Variants in PHEX observed in about 807,000 individuals in gnomAD.
The protein encoded by PHEX is phosphate regulating endopeptidase X-linked, also known as phosphate-regulating neutral endopeptidase PHEX.
PHEX carries 16 observed loss-of-function variants against 68.0 expected under a neutral mutation model. That is an observed-to-expected ratio of 0.24 (90% CI 0.16 to 0.36). The LOEUF (loss-of-function observed/expected upper bound fraction) is 0.36. Ranked by LOEUF, PHEX falls within the 10% of genes least tolerant of loss-of-function variation. The pLI is 1.00. For synonymous variants in PHEX, 208 were observed against 205.1 expected, an observed-to-expected ratio of 1.01 and a Z score of -0.12; for missense variants, 480 against 575.5, an observed-to-expected ratio of 0.83 and a Z score of 1.70.
Position 22,032,939 on chromosome X carries a change from C to A in PHEX, c.-67C>A. Reference sequence around the variant, plus strand: ...GAAAGCCTTGGATGTCAACGCCTCGCTCTTGAGACCAGCCACCAAACCACG... The same window carrying A: ...GAAAGCCTTGGATGTCAACGCCTCGATCTTGAGACCAGCCACCAAACCACG... On this transcript the variant is annotated 5_prime_UTR_variant, in exon 1 of 22. Transcript: ENST00000379374. 1.2e-6 allele frequency: 1 copy of A among 820,542 alleles called. No individual in the cohort carries two copies. Among genetic ancestry groups the A allele is most frequent in the Non-Finnish European group, 1.9e-6 (1 of 538,665 alleles). 67.6% of individuals were successfully genotyped at this position (820,542 alleles called of 1,213,427 possible). A position where few individuals can be genotyped will look rare whatever the true frequency, so the allele number is the denominator to read the frequency against.
chrX:22,086,394 G>A (rs777421396), intron 5 of PHEX, among the ~76,000 whole-genome samples: 8 of 111,799 alleles, frequency 7.2e-5, no homozygotes, highest in Non-Finnish European at 1.3e-4. Flanking sequence ...GTATGGGCAG[G>A]TCTTCTGTCA....
At chrX:22,237,884 AAAGT>A (rs776729705) in intron 20 of PHEX, among the ~76,000 whole-genome samples, 1 of 112,767 alleles carries the variant, frequency 8.9e-6, no homozygotes, top group African/African-American at 3.2e-5. Context: ...AGTCAGGATT[AAAGT>A]AAGTAAGTTA....
At chrX:22,055,284 A>G (rs1174726799) in intron 3 of PHEX, among the ~76,000 whole-genome samples, 2 of 108,178 alleles carry the variant, frequency 1.8e-5, no homozygotes, top group African/African-American at 6.6e-5. Flanking sequence ...AGCAATGGAT[A>G]TCCCAATTAC....
At chrX:22,199,097 G>A (rs970218120) in intron 15 of PHEX, among the ~76,000 whole-genome samples, 7 of 111,373 alleles carry the variant, frequency 6.3e-5, no homozygotes, top group African/African-American at 2.3e-4. Context: ...CCTACAACAT[G>A]TGGGAATTAT....
chrX:22,224,993 G>GATTTATTA, intron 18 of PHEX, among the ~76,000 whole-genome samples: 1,172 of 98,188 alleles, frequency 0.012, 1 homozygote, highest in Middle Eastern at 0.017. Flanking sequence ...AGCTCTGTAT[G>GATTTATTA]TCAGAAGTCT....
At chrX:22,155,980 A>G (rs1360241108) in intron 12 of PHEX, among the ~76,000 whole-genome samples, 2 of 111,952 alleles carry the variant, frequency 1.8e-5, no homozygotes, top group African/African-American at 3.2e-5. Flanking sequence ...GCAGTAAACA[A>G]TACTTAAATG....
intron 12 of PHEX, among the ~76,000 whole-genome samples, chrX:22,150,162 T>G (rs1426927952): frequency 8.9e-6 from 1 of 111,975 alleles, no homozygotes; most frequent in African/African-American, 3.2e-5. Context: ...TAAAAACTCT[T>G]AGGTGATTCG....
chrX:22,187,206 C>T (rs966719157), intron 14 of PHEX, among the ~76,000 whole-genome samples: 4 of 111,775 alleles, frequency 3.6e-5, no homozygotes, highest in Non-Finnish European at 3.8e-5. Flanking sequence ...GAGTGTCAGC[C>T]GGCTGGGCTC....
chrX:22,205,199 C>G (rs906302293), intron 15 of PHEX, among the ~76,000 whole-genome samples: 1 of 112,042 alleles, frequency 8.9e-6, no homozygotes, highest in African/African-American at 3.2e-5. Flanking sequence ...GTATGCTGGT[C>G]CACACATCCT....
chrX:22,050,573 GAAAAAAAAAA>G (rs5901695), intron 3 of PHEX, among the ~76,000 whole-genome samples: 3 of 49,655 alleles, frequency 6.0e-5, no homozygotes, highest in Non-Finnish European at 1.2e-4. Context: ...TTCATCTCAG[GAAAAAAAAAA>G]AAAAAAAAAA....
chrX:22,149,373 T>C (rs144103513), intron 12 of PHEX, among the ~76,000 whole-genome samples: 1 of 112,513 alleles, frequency 8.9e-6, no homozygotes, highest in Non-Finnish European at 1.9e-5. Context: ...ACCAGAACCT[T>C]TACTCAACTC....
chrX:22,087,872 C>A (rs752896194), intron 5 of PHEX, among the ~76,000 whole-genome samples: 2 of 111,845 alleles, frequency 1.8e-5, no homozygotes, highest in Admixed American at 1.9e-4. Context: ...AAAGAACAAA[C>A]CACAGATTTA....
chrX:22,224,038 G>A (rs1602408208), intron 18 of PHEX, among the ~76,000 whole-genome samples: 2 of 112,014 alleles, frequency 1.8e-5, no homozygotes, highest in Admixed American at 9.4e-5. Flanking sequence ...GCTGGAGTGC[G>A]GTGGTGTGAT....
At chrX:22,152,531 C>T (rs1303086350) in intron 12 of PHEX, among the ~76,000 whole-genome samples, 2 of 111,382 alleles carry the variant, frequency 1.8e-5, no homozygotes, top group Non-Finnish European at 3.8e-5. Flanking sequence ...CTATGAACTC[C>T]TGAAGGAAAG....
intron 21 of PHEX, 120 bp downstream of exon 21, chrX:22,245,529 G>A (rs955599805): frequency 7.2e-6 from 4 of 554,048 alleles, no homozygotes; most frequent in Admixed American, 2.5e-5. Flanking sequence ...CATTGTGGAC[G>A]TGTGATTTCC....
At chrX:22,123,252 G>C (rs1240493806) in intron 11 of PHEX, among the ~76,000 whole-genome samples, 1 of 110,587 alleles carries the variant, frequency 9.0e-6, no homozygotes, top group Non-Finnish European at 1.9e-5. Flanking sequence ...GCTTCCCAAA[G>C]TGTTAGGATT....
intron 9 of PHEX, among the ~76,000 whole-genome samples, chrX:22,104,387 A>T (rs935885905): frequency 1.6e-4 from 17 of 108,597 alleles, no homozygotes; most frequent in African/African-American, 4.7e-4. Flanking sequence ...CCAGGGAGGG[A>T]CCCTTGGAGG....
rs776974481 is a variant in PHEX at position 22,247,840 on chromosome X, T to C, written c.2148-11T>C. On this transcript the variant is annotated splice_polypyrimidine_tract_variant and intron_variant, in intron 21 of 21. Coordinates refer to ENST00000379374, the MANE Select transcript of PHEX (RefSeq NM_000444.6). ...ATTATATGACATATGCTTTGACATA[T>C]CGTTTTTCAGGGTCAATGGTGCAAT... 1 of 1,134,251 alleles carries C rather than the reference T, an allele frequency of 8.8e-7. No homozygotes were observed. Among genetic ancestry groups the C allele is most frequent in the South Asian group, 1.8e-5 (1 of 55,360 alleles). 93.5% of individuals were successfully genotyped at this position (1,134,251 alleles called of 1,213,427 possible). A position where few individuals can be genotyped will look rare whatever the true frequency, so the allele number is the denominator to read the frequency against.
chrX:22,190,385 G>T, intron 14 of PHEX, 59 bp from the exon 15 acceptor site: 1 of 786,486 alleles, frequency 1.3e-6, no homozygotes. Context: ...GTTTGTCTTT[G>T]CTTCCCTCCT....
Sources: allele counts gnomAD v4.1 joint callset (sites outside exome capture counted in the v4.1 genomes callset), GRCh38; gene constraint gnomAD v4.1.1; transcripts MANE v1.5; gene names NCBI Gene and HGNC (gene_info 2026-07-23, HGNC 2026-07-21).